Variants in IRAK4 observed in about 807,000 individuals in gnomAD.
The protein encoded by IRAK4 is interleukin-1 receptor-associated kinase 4.
In IRAK4, 44 loss-of-function variants were observed where a neutral mutation model predicts 51.8. That is an observed-to-expected ratio of 0.85 (90% CI 0.67 to 1.09). IRAK4 has a LOEUF of 1.09. Among genes scored for constraint, IRAK4 ranks in the 50% least tolerant of loss-of-function variants. IRAK4 has a pLI of 0.00. For synonymous variants in IRAK4, 149 were observed against 174.1 expected, an observed-to-expected ratio of 0.86 and a Z score of 1.13; for missense variants, 487 against 538.0, an observed-to-expected ratio of 0.91 and a Z score of 0.94.
chr12:43,784,316 A>G (rs1485018160), intron 10 of IRAK4, among the ~76,000 whole-genome samples: 1 of 152,200 alleles, frequency 6.6e-6, no homozygotes, highest in Non-Finnish European at 1.5e-5. Context: ...ACAAGCAGGC[A>G]ATCTACTTTG....
At chr12:43,774,106 A>G (rs561164606) in intron 6 of IRAK4, 77 bp downstream of exon 6, 64 of 954,980 alleles carry the variant, frequency 6.7e-5, no homozygotes, top group Admixed American at 6.4e-4. Context: ...ACTCTAGAGT[A>G]TGCCATGAAC....
At chr12:43,772,522 CATTGTATTA>C (rs1412259231) in intron 4 of IRAK4, among the ~76,000 whole-genome samples, 160 bp downstream of exon 4, 10 of 152,080 alleles carry the variant, frequency 6.6e-5, no homozygotes, top group African/African-American at 2.4e-4. Context: ...GAACCATCTT[CATTGTATTA>C]ATCAGTGATT....
chr12:43,774,115 A>G (rs1212059295), intron 6 of IRAK4, 86 bp downstream of exon 6: 4 of 868,308 alleles, frequency 4.6e-6, no homozygotes, highest in Non-Finnish European at 7.7e-6. Context: ...TATGCCATGA[A>G]CTAGTGATGT....
At chr12:43,775,601 A>G (rs548045244) in intron 6 of IRAK4, among the ~76,000 whole-genome samples, 5 of 152,194 alleles carry the variant, frequency 3.3e-5, no homozygotes, top group Non-Finnish European at 7.3e-5. Context: ...TGTGAAAATC[A>G]TATTTTATTT....
chr12:43,785,791 T>C (rs150288800), intron 10 of IRAK4, among the ~76,000 whole-genome samples: 3 of 151,978 alleles, frequency 2.0e-5, no homozygotes, highest in African/African-American at 7.2e-5. Flanking sequence ...ACCTGGGCTA[T>C]ATGGTATTGC....
At chr12:43,774,188 C>T (rs1165556520) in intron 6 of IRAK4, among the ~76,000 whole-genome samples, 159 bp downstream of exon 6, 2 of 152,116 alleles carry the variant, frequency 1.3e-5, no homozygotes, top group Non-Finnish European at 2.9e-5. Context: ...ACTTTTGGCT[C>T]CATAATTCTA....
chr12:43,763,526 AT>A (rs1939791751), intron 1 of IRAK4: 1 of 152,172 alleles, frequency 6.6e-6, no homozygotes, highest in Non-Finnish European at 1.5e-5. Context: ...TTAATAAGTA[AT>A]TTTTAAGTTT....
intron 1 of IRAK4, among the ~76,000 whole-genome samples, chr12:43,763,748 C>T (rs1257188103): frequency 6.6e-6 from 1 of 151,304 alleles, no homozygotes; most frequent in African/African-American, 2.4e-5. Context: ...CTTTCTCCTT[C>T]CCTTCATAAC....
At position 43,777,743 on chromosome 12, in the gene IRAK4, T is replaced by C; in HGVS notation, c.830T>C (p.Leu277Ser). ...TCATTGCTAGACAGACTCTCTTGCT[T>C]GGTAAGCTATTTGTTCATCAGATTG... is the stretch of plus-strand genomic sequence containing the variant. ...NGSLLDRLSCLDGTPPLSWHM... is the reference protein window; with the variant it reads ...NGSLLDRLSCSDGTPPLSWHM... The change falls in exon 7 of 12, where the codon TTG (leucine) becomes TCG (serine). Residue 277 changes from leucine (L) to serine (S), a missense_variant and splice_region_variant. Coordinates refer to ENST00000613694, the MANE Select transcript of IRAK4 (RefSeq NM_016123.4). 1.2e-6 allele frequency: 2 copies of C among 1,604,870 alleles called. No homozygotes were observed. Among genetic ancestry groups the C allele is most frequent in the Non-Finnish European group, 1.7e-6 (2 of 1,171,822 alleles).
chr12:43,775,910 C>T lies in IRAK4; in HGVS notation c.717-1720C>T, dbSNP rs182009473. 3.3e-4 allele frequency among the ~76,000 whole-genome samples: 33 copies of T among 101,180 alleles called. No individual in the cohort carries two copies. In the East Asian group the frequency reaches 9.7e-3, roughly 30 times the overall value. 66.4% of individuals were successfully genotyped at this position (101,180 alleles called of 152,430 possible). On this transcript the variant is annotated intron_variant, in intron 6 of 11. Coordinates refer to ENST00000613694, the MANE Select transcript of IRAK4 (RefSeq NM_016123.4). ...TTTTTTTTTTTTTTTGAGACGGAAT[C>T]TCGCTCTGTTGCCCAGGCTGGAATG...
At position 43,768,228 on chromosome 12, in the gene IRAK4, T is replaced by TA. The variant is rs1940376224; in HGVS notation, c.123dup (p.Pro42ThrfsTer4). 7.4e-6 allele frequency: 12 copies of TA among 1,612,792 alleles called. No homozygotes were observed. In the East Asian group the frequency reaches 2.7e-4, roughly 36 times the overall value. On this transcript the variant is annotated frameshift_variant, in exon 2 of 12. Coordinates refer to ENST00000613694, the MANE Select transcript of IRAK4 (RefSeq NM_016123.4). LOFTEE classifies it high-confidence loss of function. ...GATGGAAGAAGTTAGCTGTAGCTAT[T>TA]AAAAAACCATCTGGTGATGATAGAT...
At chr12:43,774,847 T>C (rs1302670604) in intron 6 of IRAK4, among the ~76,000 whole-genome samples, 1 of 152,188 alleles carries the variant, frequency 6.6e-6, no homozygotes, top group Non-Finnish European at 1.5e-5. Flanking sequence ...TTAATAGTGA[T>C]TGATATTTGA....
At chr12:43,778,391 A>C (rs1053737291) in intron 8 of IRAK4, 89 bp downstream of exon 8, 1 of 755,602 alleles carries the variant, frequency 1.3e-6, no homozygotes, top group Non-Finnish European at 2.4e-6. Context: ...GCAGGTCTTA[A>C]CCTAGAGCAT....
intron 10 of IRAK4, among the ~76,000 whole-genome samples, chr12:43,785,287 G>A (rs1358155630): frequency 1.3e-5 from 2 of 151,990 alleles, no homozygotes; most frequent in Non-Finnish European, 2.9e-5. Context: ...CCAACTCCAC[G>A]ATCTTATTCC....
At position 43,786,657 on chromosome 12, in the gene IRAK4, GT is replaced by G. The variant is rs781179993; in HGVS notation, c.1348-16del. 3.1e-6 allele frequency: 5 copies of G among 1,612,272 alleles called. No homozygotes were observed. The African/African-American group carries it at 4.0e-5, about 13-fold the overall frequency. Reference sequence around the variant, plus strand: ...AGCAACTGTATAATGTGGTTCTTTTGTTTTTTTCTTTCTTTTTAAAAGGTTC... The same window carrying G: ...AGCAACTGTATAATGTGGTTCTTTTGTTTTTTCTTTCTTTTTAAAAGGTTC... On this transcript the variant is annotated intron_variant, in intron 11 of 11. Coordinates refer to ENST00000613694, the MANE Select transcript of IRAK4 (RefSeq NM_016123.4).
At chr12:43,772,784 C>A in intron 4 of IRAK4, 128 bp from the exon 5 acceptor site, 1 of 722,536 alleles carries the variant, frequency 1.4e-6, no homozygotes, top group Non-Finnish European at 2.2e-6. Flanking sequence ...ATGGTTTTAT[C>A]TTCTCTCATC....
At chr12:43,762,880 T>A (rs1939714018) in intron 1 of IRAK4, among the ~76,000 whole-genome samples, 1 of 152,214 alleles carries the variant, frequency 6.6e-6, no homozygotes, top group Admixed American at 6.5e-5. Context: ...GGAACTCTTC[T>A]CCCTTCAAAT....
At chr12:43,783,570 A>G (rs1454865685) in intron 9 of IRAK4, 92 bp from the exon 10 acceptor site, 13 of 789,568 alleles carry the variant, frequency 1.6e-5, no homozygotes, top group Non-Finnish European at 2.8e-5. Flanking sequence ...ATCCTCCCAC[A>G]TCTGTCTCCC....
intron 7 of IRAK4, 127 bp from the exon 8 acceptor site, chr12:43,778,066 A>G (rs1418698336): frequency 1.5e-6 from 1 of 655,700 alleles, no homozygotes; most frequent in Non-Finnish European, 2.7e-6. Context: ...TTAAAAATGT[A>G]GTCCTAAATT....
Sources: allele counts gnomAD v4.1 joint callset (sites outside exome capture counted in the v4.1 genomes callset), GRCh38; gene constraint gnomAD v4.1.1; transcripts MANE v1.5; gene names NCBI Gene and HGNC (gene_info 2026-07-23, HGNC 2026-07-21).